The following UBAP2 variants were observed in gnomAD, a reference collection of about 807,000 sequenced individuals.
The protein encoded by UBAP2 is ubiquitin-associated protein 2.
In UBAP2, 75 loss-of-function variants were observed where a neutral mutation model predicts 139.6. The observed-to-expected ratio is 0.54, with a 90% confidence interval of 0.45 to 0.65. UBAP2 has a LOEUF of 0.65. Among genes scored for constraint, UBAP2 ranks in the 30% least tolerant of loss-of-function variants. The pLI is 0.00. For synonymous variants in UBAP2, 526 were observed against 526.2 expected (o/e 1.00, Z 0.01); for missense variants, 1,368 against 1,369.6 (o/e 1.00, Z 0.02).
chr9:34,014,003 T>C lies in UBAP2; in HGVS notation c.99+3047A>G, dbSNP rs538673451. Among the ~76,000 whole-genome samples, 27 of 152,170 alleles carry C rather than the reference T, an allele frequency of 1.8e-4. 1 individual carries two copies. Among genetic ancestry groups the C allele is most frequent in the African/African-American group, 6.3e-4 (26 of 41,532 alleles). On this transcript the variant is annotated intron_variant, in intron 2 of 28. Transcript: ENST00000379238. ...AATAAATAAACATCAATAATTTTCCTAATGCATACTAGTGTTTAAAAGAAA... is the reference window on the plus strand; with the variant it reads ...AATAAATAAACATCAATAATTTTCCCAATGCATACTAGTGTTTAAAAGAAA...
At chr9:33,929,507 A>G (rs910283182) in intron 19 of UBAP2, among the ~76,000 whole-genome samples, 6 of 152,344 alleles carry the variant, frequency 3.9e-5, no homozygotes, top group African/African-American at 1.4e-4. Context: ...GCAGGAGAAG[A>G]TGCTAAGATT....
chr9:33,957,845 T>C (rs1418777735), intron 10 of UBAP2, among the ~76,000 whole-genome samples: 1 of 152,120 alleles, frequency 6.6e-6, no homozygotes, highest in Non-Finnish European at 1.5e-5. Context: ...AGACAGTAGG[T>C]GTTCATTTTC....
chr9:34,007,537 C>T (rs1170018806), intron 2 of UBAP2, among the ~76,000 whole-genome samples: 2 of 151,176 alleles, frequency 1.3e-5, no homozygotes, highest in African/African-American at 4.9e-5. Context: ...TCCTTCCACA[C>T]TCAGGTTGTT....
intron 13 of UBAP2, 126 bp from the exon 14 acceptor site, chr9:33,944,765 CACACTATGTGTA>C: frequency 8.9e-7 from 1 of 1,129,736 alleles, no homozygotes; most frequent in Non-Finnish European, 1.2e-6. Flanking sequence ...AGGTTTTACA[CACACTATGTGTA>C]ACACTTCATT....
intron 1 of UBAP2, among the ~76,000 whole-genome samples, chr9:34,044,652 G>A (rs552072534): frequency 1.1e-3 from 167 of 151,904 alleles, no homozygotes; most frequent in Non-Finnish European, 1.8e-3. Flanking sequence ...ATCACCTGAG[G>A]TCAGGAGTTC....
At chr9:33,991,537 A>AT (rs1042649462) in intron 4 of UBAP2, among the ~76,000 whole-genome samples, 8 of 152,138 alleles carry the variant, frequency 5.3e-5, no homozygotes, top group African/African-American at 1.9e-4. Context: ...ATAGAATTAC[A>AT]TTTTTTAGTT....
intron 1 of UBAP2, among the ~76,000 whole-genome samples, chr9:34,034,478 T>A (rs774884834): frequency 3.3e-5 from 5 of 152,194 alleles, no homozygotes; most frequent in Admixed American, 1.3e-4. Flanking sequence ...TTAACACACC[T>A]GCCACATAAG....
Position 33,971,633 on chromosome 9 carries a change from C to CA in UBAP2, c.679+17dup, listed in dbSNP as rs534100908. On this transcript the variant is annotated intron_variant, in intron 8 of 28. Coordinates refer to ENST00000379238, the MANE Select transcript of UBAP2 (RefSeq NM_001370062.2). ...TCAAACATTTAAAACTCATCTCTGGCAAAAACAGAACACTTACCAGTTCCC... is the reference window on the plus strand; with the variant it reads ...TCAAACATTTAAAACTCATCTCTGGCAAAAAACAGAACACTTACCAGTTCCC... The CA allele has an allele frequency of 6.1e-3, 8,969 of 1,475,264 alleles. 42 individuals carry two copies. Among genetic ancestry groups the CA allele is most frequent in the Non-Finnish European group, 7.4e-3 (7,841 of 1,053,742 alleles). 91.4% of individuals were successfully genotyped at this position (1,475,264 alleles called of 1,614,324 possible).
chr9:33,996,082 A>G (rs1174353434), intron 4 of UBAP2, 141 bp downstream of exon 4: 1 of 605,560 alleles, frequency 1.7e-6, no homozygotes, highest in Non-Finnish European at 2.9e-6. Context: ...TTTTCAGGTA[A>G]TCGTTCTTTC....
chr9:33,960,671 T>C (rs903132904), intron 10 of UBAP2, among the ~76,000 whole-genome samples, 155 bp downstream of exon 10: 1 of 151,862 alleles, frequency 6.6e-6, no homozygotes, highest in Non-Finnish European at 1.5e-5. Context: ...TCCCAGCTAT[T>C]TGGGAGGCTG....
Position 33,927,858 on chromosome 9 carries a change from C to G in UBAP2, c.2310G>C (p.Leu770=), listed in dbSNP as rs1823597550. The part of the protein sequence containing the change: ...SSMNTANSLC[L]GGTPASASSS... Reference sequence around the variant, plus strand: ...TGGATGCACTCGCGGGGGTCCCACCCAGACAGAGGCTGTTCGCGGTGTTCA... The same window carrying G: ...TGGATGCACTCGCGGGGGTCCCACCGAGACAGAGGCTGTTCGCGGTGTTCA... The change falls in exon 20 of 29, where the codon CTG becomes CTC. Residue 770 remains leucine, a synonymous_variant. Transcript: ENST00000379238. The G allele has an allele frequency of 1.2e-6, 2 of 1,614,208 alleles. No homozygotes were observed. The highest frequency in any genetic ancestry group is 2.2e-5 in the East Asian group (1 of 44,886).
At chr9:34,006,094 A>G (rs535466549) in intron 2 of UBAP2, among the ~76,000 whole-genome samples, 1 of 152,008 alleles carries the variant, frequency 6.6e-6, no homozygotes, top group African/African-American at 2.4e-5. Flanking sequence ...TTAGCCGGGC[A>G]TGGTGGCGTG....
intron 8 of UBAP2, among the ~76,000 whole-genome samples, chr9:33,965,325 GTTCT>G (rs1160916692): frequency 5.3e-5 from 8 of 152,012 alleles, no homozygotes; most frequent in Admixed American, 3.9e-4. Context: ...AATTGTGAGA[GTTCT>G]TTATTTATTT....
At chr9:33,960,734 C>G in intron 10 of UBAP2, 92 bp downstream of exon 10, 1 of 1,256,448 alleles carries the variant, frequency 8.0e-7, no homozygotes, top group South Asian at 1.3e-5. Context: ...GAGCCAAGAT[C>G]ACGCCATTGC....
intron 1 of UBAP2, among the ~76,000 whole-genome samples, chr9:34,046,849 TAA>T (rs1402074389): frequency 6.6e-6 from 1 of 151,966 alleles, no homozygotes; most frequent in Admixed American, 6.6e-5. Context: ...CCCCATACAA[TAA>T]AAGTCACTCA....
intron 1 of UBAP2, among the ~76,000 whole-genome samples, chr9:34,023,045 T>C (rs1266291657): frequency 6.6e-6 from 1 of 151,876 alleles, no homozygotes; most frequent in African/African-American, 2.4e-5. Flanking sequence ...GCTAATACAG[T>C]GAAACCCTGT....
At chr9:33,939,756 AG>A (rs1824929350) in intron 16 of UBAP2, among the ~76,000 whole-genome samples, 1 of 32,354 alleles carries the variant, frequency 3.1e-5, no homozygotes, top group African/African-American at 1.4e-4. Context: ...GAAGGGGGGG[AG>A]GGGGAGGGGG....
chr9:33,988,811 A>G lies in UBAP2; in HGVS notation c.442+162T>C, dbSNP rs541305382. Among the ~76,000 whole-genome samples, 5 of 152,328 alleles carry G rather than the reference A, an allele frequency of 3.3e-5. No individual in the cohort carries two copies. The South Asian group carries it at 6.2e-4, about 19-fold the overall frequency. ...AAACGAATTTATGAGCATACTATGGACTAATCTTTCAGTCGTTCAGAATGT... is the reference window on the plus strand; with the variant it reads ...AAACGAATTTATGAGCATACTATGGGCTAATCTTTCAGTCGTTCAGAATGT... On this transcript the variant is annotated intron_variant, in intron 5 of 28. Coordinates refer to ENST00000379238, the MANE Select transcript of UBAP2 (RefSeq NM_001370062.2).
intron 5 of UBAP2, among the ~76,000 whole-genome samples, 162 bp from the exon 6 acceptor site, chr9:33,986,999 T>G (rs1821274293): frequency 6.6e-6 from 1 of 152,134 alleles, no homozygotes; most frequent in Non-Finnish European, 1.5e-5. Context: ...ACTTAAAAAC[T>G]GAATGAGGTC....
Sources: gnomAD v4.1 joint callset for allele counts (sites outside exome capture counted in the v4.1 genomes callset) on GRCh38, gnomAD v4.1.1 for gene constraint, MANE v1.5 for transcripts, NCBI Gene and HGNC (gene_info 2026-07-23, HGNC 2026-07-21) for gene names.